Variants in XYLT1 observed in about 807,000 individuals in gnomAD.
The protein encoded by XYLT1 is xylosyltransferase 1.
In XYLT1, 36 loss-of-function variants were observed where a neutral mutation model predicts 91.3. The observed-to-expected ratio is 0.39, with a 90% CI of 0.30 to 0.52. The LOEUF is 0.52. XYLT1 is among the 20% of genes least tolerant of loss of function. XYLT1 has a pLI of 0.68. For missense variants in XYLT1, 1,242 were observed against 1,284.5 expected, an observed-to-expected ratio of 0.97 and a Z score of 0.51; for synonymous variants, 588 against 532.0, an observed-to-expected ratio of 1.11 and a Z score of -1.45.
chr16:17,127,871 C>T lies in XYLT1; in HGVS notation c.2028-10G>A, dbSNP rs1270154398. 6.2e-7 allele frequency: 1 copy of T among 1,611,626 alleles called. No homozygotes were observed. On this transcript the variant is annotated splice_polypyrimidine_tract_variant and intron_variant, in intron 9 of 11. Coordinates refer to ENST00000261381, the MANE Select transcript of XYLT1 (RefSeq NM_022166.4). The stretch of plus-strand genomic sequence containing the variant: ...GCCCATTGGGTAGTATCTGAAAACA[C>T]AGGCGCTCATGCATTAGGGCCCAAG...
chr16:17,295,028 T>A (rs922556948), intron 2 of XYLT1, among the ~76,000 whole-genome samples: 1 of 151,974 alleles, frequency 6.6e-6, no homozygotes, highest in Admixed American at 6.6e-5. Context: ...AAGAGAGAAG[T>A]CAGTGGTTAG....
chr16:17,193,304 A>C (rs2032359075), intron 5 of XYLT1: 1 of 152,218 alleles, frequency 6.6e-6, no homozygotes, highest in South Asian at 2.1e-4. Flanking sequence ...ATTTCATTGA[A>C]ACTTCCTAAG....
chr16:17,248,672 C>T (rs1251366491), intron 3 of XYLT1, among the ~76,000 whole-genome samples: 1 of 151,978 alleles, frequency 6.6e-6, no homozygotes, highest in Non-Finnish European at 1.5e-5. Context: ...TTTCACCACC[C>T]TTCATCTCTT....
intron 10 of XYLT1, among the ~76,000 whole-genome samples, chr16:17,123,731 A>C (rs758988524): frequency 6.6e-6 from 1 of 151,940 alleles, no homozygotes; most frequent in Non-Finnish European, 1.5e-5. Context: ...TTCTTTATTG[A>C]CTTTCTGTCT....
At chr16:17,153,658 T>C (rs1408679310) in intron 6 of XYLT1, among the ~76,000 whole-genome samples, 1 of 152,196 alleles carries the variant, frequency 6.6e-6, no homozygotes, top group East Asian at 1.9e-4. Context: ...TAAGTCATGG[T>C]TGGAGCAGCT....
intron 3 of XYLT1, among the ~76,000 whole-genome samples, chr16:17,207,955 C>T (rs910814416): frequency 6.6e-6 from 1 of 152,172 alleles, no homozygotes; most frequent in Non-Finnish European, 1.5e-5. Context: ...CTTCCCCATC[C>T]CTTCATTTAA....
intron 2 of XYLT1, among the ~76,000 whole-genome samples, chr16:17,352,175 G>A (rs560749465): frequency 2.0e-5 from 3 of 152,198 alleles, no homozygotes; most frequent in East Asian, 1.9e-4. Context: ...TCTCCTTGGC[G>A]GTCAAAATTG....
intron 2 of XYLT1, among the ~76,000 whole-genome samples, chr16:17,261,687 T>C (rs377339427): frequency 6.6e-6 from 1 of 152,074 alleles, no homozygotes; most frequent in East Asian, 1.9e-4. Context: ...AGTGGCCTAT[T>C]GTGTTGCAGG....
chr16:17,129,513 G>T (rs989014384), intron 9 of XYLT1, among the ~76,000 whole-genome samples: 6 of 152,120 alleles, frequency 3.9e-5, no homozygotes, highest in Non-Finnish European at 7.3e-5. Flanking sequence ...TGATCCGCCC[G>T]CCTCGGCCTC....
intron 2 of XYLT1, among the ~76,000 whole-genome samples, chr16:17,332,816 T>G (rs1389686045): frequency 6.6e-6 from 1 of 152,028 alleles, no homozygotes; most frequent in Non-Finnish European, 1.5e-5. Flanking sequence ...CAGTAGATAC[T>G]CCATCATTCC....
chr16:17,317,471 C>T (rs1567371650), intron 2 of XYLT1, among the ~76,000 whole-genome samples: 1 of 151,146 alleles, frequency 6.6e-6, no homozygotes, highest in Non-Finnish European at 1.5e-5. Flanking sequence ...CATCACTACA[C>T]AAAATACAAA....
At chr16:17,378,299 G>A (rs1463784308) in intron 1 of XYLT1, among the ~76,000 whole-genome samples, 1 of 151,956 alleles carries the variant, frequency 6.6e-6, no homozygotes, top group East Asian at 1.9e-4. Flanking sequence ...TTTGTTCCAA[G>A]ACTTTTTTTT....
At chr16:17,133,579 A>AG (rs1348675542) in intron 9 of XYLT1, among the ~76,000 whole-genome samples, 1 of 152,174 alleles carries the variant, frequency 6.6e-6, no homozygotes, top group Non-Finnish European at 1.5e-5. Context: ...AGCAGCGTGG[A>AG]GAAATGGGGG....
intron 1 of XYLT1, among the ~76,000 whole-genome samples, chr16:17,445,321 T>C (rs770113059): frequency 1.3e-5 from 2 of 152,224 alleles, no homozygotes; most frequent in Non-Finnish European, 2.9e-5. Flanking sequence ...CCTAGCCCAG[T>C]GCCTGGCACG....
chr16:17,257,268 G>C (rs527813792), intron 3 of XYLT1, among the ~76,000 whole-genome samples: 3 of 152,284 alleles, frequency 2.0e-5, no homozygotes, highest in South Asian at 4.1e-4. Context: ...AATGCAAGCT[G>C]CTCCCTGGAC....
intron 6 of XYLT1, among the ~76,000 whole-genome samples, chr16:17,146,912 T>TAACA (rs2031148445): frequency 6.6e-6 from 1 of 152,162 alleles, no homozygotes; most frequent in African/African-American, 2.4e-5. Flanking sequence ...GCTCTTTCTC[T>TAACA]AACACATCTT....
intron 3 of XYLT1, among the ~76,000 whole-genome samples, chr16:17,202,289 C>T (rs1457939870): frequency 6.6e-6 from 1 of 152,166 alleles, no homozygotes; most frequent in East Asian, 1.9e-4. Flanking sequence ...GGGATTAGGA[C>T]ATCGGGAGTC....
At chr16:17,237,287 C>G (rs1335476778) in intron 3 of XYLT1, among the ~76,000 whole-genome samples, 1 of 152,210 alleles carries the variant, frequency 6.6e-6, no homozygotes, top group Non-Finnish European at 1.5e-5. Flanking sequence ...TTTCCCCATT[C>G]TCATTCCAGG....
At position 17,415,427 on chromosome 16, in the gene XYLT1, C is replaced by T. The variant is rs866848758; in HGVS notation, c.363+55007G>A. On this transcript the variant is annotated intron_variant, in intron 1 of 11. Coordinates refer to ENST00000261381, the MANE Select transcript of XYLT1 (RefSeq NM_022166.4). ...AATGGAGGCCGGGCGCGGTGGCTCA[C>T]GCCTGTAATCCCACCACTTTGGGAG... Among the ~76,000 whole-genome samples the T allele has an allele frequency of 5.3e-4, 81 of 152,278 alleles. 1 individual carries two copies. The highest frequency in any genetic ancestry group is 1.8e-3 in the African/African-American group (76 of 41,550).
Sources: allele counts gnomAD v4.1 joint callset (sites outside exome capture counted in the v4.1 genomes callset), GRCh38; gene constraint gnomAD v4.1.1; transcripts MANE v1.5; gene names NCBI Gene and HGNC (gene_info 2026-07-23, HGNC 2026-07-21).